ALCAM: variants seen among roughly 807,000 people sequenced by gnomAD.
ALCAM encodes the protein CD166 antigen.
A neutral mutation model predicts 70.9 loss-of-function variants in ALCAM; 30 were observed. The ratio of observed to expected loss-of-function variants is 0.42; its 90% CI spans 0.32 to 0.57. ALCAM has a LOEUF of 0.57. Ranked by LOEUF, ALCAM falls within the 20% of genes least tolerant of loss-of-function variation. ALCAM has a pLI of 0.11. For missense variants in ALCAM, 591 were observed against 695.1 expected, an observed-to-expected ratio of 0.85 and a Z score of 1.68; for synonymous variants, 249 against 242.5, an observed-to-expected ratio of 1.03 and a Z score of -0.25.
intron 1 of ALCAM, among the ~76,000 whole-genome samples, chr3:105,431,788 A>G (rs536315808): frequency 1.3e-5 from 2 of 152,272 alleles, no homozygotes; most frequent in Non-Finnish European, 2.9e-5. Context: ...TATGACAGTG[A>G]GTGGAAGTGC....
chr3:105,544,082 G>A (rs1940185289), intron 8 of ALCAM, among the ~76,000 whole-genome samples: 1 of 151,568 alleles, frequency 6.6e-6, no homozygotes, highest in Admixed American at 6.6e-5. Context: ...AAACCAAGGA[G>A]AAACTTGGAG....
intron 1 of ALCAM, among the ~76,000 whole-genome samples, chr3:105,371,693 A>G (rs964214919): frequency 1.7e-4 from 26 of 152,028 alleles, no homozygotes; most frequent in Non-Finnish European, 3.1e-4. Context: ...TTCCAAACAC[A>G]CTTCTTTCTG....
At chr3:105,468,856 T>C (rs926994323) in intron 1 of ALCAM, among the ~76,000 whole-genome samples, 2 of 151,362 alleles carry the variant, frequency 1.3e-5, no homozygotes, top group Non-Finnish European at 3.0e-5. Flanking sequence ...GCACTAGAAC[T>C]TTATTTGATT....
At chr3:105,396,556 T>C (rs1299044135) in intron 1 of ALCAM, among the ~76,000 whole-genome samples, 1 of 152,056 alleles carries the variant, frequency 6.6e-6, no homozygotes, top group Non-Finnish European at 1.5e-5. Context: ...AAAGCATTAG[T>C]ACAAATTGAG....
chr3:105,505,930 T>C (rs924350157), intron 1 of ALCAM, among the ~76,000 whole-genome samples: 10 of 152,156 alleles, frequency 6.6e-5, no homozygotes, highest in Non-Finnish European at 1.0e-4. Flanking sequence ...TTAGAACAAA[T>C]AGAAAATTTC....
At chr3:105,469,391 C>G (rs1371132489) in intron 1 of ALCAM, among the ~76,000 whole-genome samples, 1 of 151,164 alleles carries the variant, frequency 6.6e-6, no homozygotes, top group Non-Finnish European at 1.5e-5. Context: ...AGTATTTCTT[C>G]TCCTCGCTTT....
At chr3:105,517,683 T>C (rs772090339) in intron 1 of ALCAM, among the ~76,000 whole-genome samples, 27 of 152,132 alleles carry the variant, frequency 1.8e-4, no homozygotes, top group Admixed American at 1.4e-3. Flanking sequence ...TTGCTGTTTG[T>C]TTCTCCTCAA....
At chr3:105,510,459 G>A (rs1365624533) in intron 1 of ALCAM, among the ~76,000 whole-genome samples, 1 of 152,076 alleles carries the variant, frequency 6.6e-6, no homozygotes, top group Non-Finnish European at 1.5e-5. Flanking sequence ...CCAGCAGTTG[G>A]AGATCTATGA....
chr3:105,440,360 A>G (rs1161663457), intron 1 of ALCAM, among the ~76,000 whole-genome samples: 1 of 152,220 alleles, frequency 6.6e-6, no homozygotes, highest in Non-Finnish European at 1.5e-5. Context: ...ATATTCATTG[A>G]TTATCTACTG....
intron 1 of ALCAM, among the ~76,000 whole-genome samples, chr3:105,478,354 G>A (rs932887105): frequency 2.6e-5 from 4 of 152,036 alleles, no homozygotes; most frequent in Non-Finnish European, 5.9e-5. Flanking sequence ...AGAAATTTGG[G>A]GAGAGTTTAT....
chr3:105,558,620 CA>C (rs1192558638), intron 14 of ALCAM, among the ~76,000 whole-genome samples: 2 of 151,968 alleles, frequency 1.3e-5, no homozygotes. Context: ...AAAATCTCAC[CA>C]AAAAAGGTCT....
chr3:105,536,174 A>G (rs1192395748), intron 6 of ALCAM, among the ~76,000 whole-genome samples: 1 of 151,428 alleles, frequency 6.6e-6, no homozygotes, highest in East Asian at 2.0e-4. Context: ...GCTTACTGCA[A>G]CCTCCACCTC....
At chr3:105,558,400 A>G (rs963794497) in intron 14 of ALCAM, among the ~76,000 whole-genome samples, 1 of 152,116 alleles carries the variant, frequency 6.6e-6, no homozygotes, top group Non-Finnish European at 1.5e-5. Context: ...TAAATATAAA[A>G]TTCTATTATA....
chr3:105,559,128 A>T (rs904458411), intron 14 of ALCAM, among the ~76,000 whole-genome samples: 1 of 150,024 alleles, frequency 6.7e-6, no homozygotes, highest in Non-Finnish European at 1.5e-5. Flanking sequence ...AAAATAAATA[A>T]CCATCATAAT....
At chr3:105,474,594 C>T (rs190983475) in intron 1 of ALCAM, among the ~76,000 whole-genome samples, 592 of 140,664 alleles carry the variant, frequency 4.2e-3, no homozygotes, top group Non-Finnish European at 7.0e-3. Flanking sequence ...CCTTTTCTTG[C>T]GAAAAAAAAA....
At chr3:105,492,511 A>T (rs1238694939) in intron 1 of ALCAM, among the ~76,000 whole-genome samples, 9 of 152,214 alleles carry the variant, frequency 5.9e-5, no homozygotes, top group Admixed American at 5.9e-4. Context: ...AAATGTAATG[A>T]TTAGGAGTGA....
intron 1 of ALCAM, among the ~76,000 whole-genome samples, chr3:105,469,830 T>C (rs1055593634): frequency 3.3e-5 from 5 of 150,854 alleles, no homozygotes; most frequent in Admixed American, 6.6e-5. Context: ...TAGGACCCAA[T>C]TGTAGTCGTA....
At chr3:105,367,544 C>A (rs761057830) in intron 1 of ALCAM, 63 bp downstream of exon 1, 1 of 1,587,766 alleles carries the variant, frequency 6.3e-7, no homozygotes, top group Admixed American at 1.7e-5. Context: ...CCTAGGTCCC[C>A]GTCCCAGCCT....
At chr3:105,554,530 A>C (rs1458714993) in intron 14 of ALCAM, among the ~76,000 whole-genome samples, 2 of 152,006 alleles carry the variant, frequency 1.3e-5, no homozygotes, top group Non-Finnish European at 2.9e-5. Context: ...GTTTGACCAA[A>C]TGTCTGTGTA....
Sources: allele counts gnomAD v4.1 joint callset (sites outside exome capture counted in the v4.1 genomes callset), GRCh38; gene constraint gnomAD v4.1.1; transcripts MANE v1.5; gene names NCBI Gene and HGNC (gene_info 2026-07-23, HGNC 2026-07-21).